The following WWOX variants were observed in gnomAD, a reference collection of about 807,000 sequenced individuals.
WWOX encodes WW domain-containing oxidoreductase.
WWOX carries 69 observed loss-of-function variants against 46.2 expected under a neutral mutation model. The observed-to-expected ratio is 1.49, with a 90% confidence interval of 1.23 to 1.82. WWOX has a LOEUF of 1.82. WWOX is among the 40% of genes most tolerant of loss of function. The pLI is 0.00. For synonymous variants in WWOX, 359 were observed against 202.6 expected, an observed-to-expected ratio of 1.77 and a Z score of -6.56; for missense variants, 919 against 542.6, an observed-to-expected ratio of 1.69 and a Z score of -6.89.
Position 78,827,807 on chromosome 16 carries a change from C to G in WWOX, c.1057-383801C>G, listed in dbSNP as rs113157131. 8.0e-3 allele frequency among the ~76,000 whole-genome samples: 1,221 copies of G among 152,298 alleles called. 22 individuals carry two copies. Among genetic ancestry groups the G allele is most frequent in the East Asian group, 0.055 (282 of 5,170 alleles). On this transcript the variant is annotated intron_variant, in intron 8 of 8. Coordinates refer to ENST00000566780, the MANE Select transcript of WWOX (RefSeq NM_016373.4). ...AGTGAGCCGAGATGGCGCCACTGCA[C>G]TCTAGCCTGGGCGGCAAGCAAGACA...
intron 8 of WWOX, among the ~76,000 whole-genome samples, chr16:78,530,197 C>G (rs934923621): frequency 2.6e-5 from 4 of 152,168 alleles, no homozygotes; most frequent in Non-Finnish European, 5.9e-5. Flanking sequence ...CCCTGAAACC[C>G]TAAAAGGAGT....
intron 8 of WWOX, among the ~76,000 whole-genome samples, chr16:78,998,774 T>G (rs898634874): frequency 7.2e-5 from 11 of 152,240 alleles, no homozygotes; most frequent in African/African-American, 2.7e-4. Flanking sequence ...TTGAATGACT[T>G]CTTGAAAGTG....
At position 79,163,113 on chromosome 16, in the gene WWOX, G is replaced by A. The variant is rs1289796020; in HGVS notation, c.1057-48495G>A. On this transcript the variant is annotated intron_variant, in intron 8 of 8. Transcript: ENST00000566780. ...GTTTGTTGACAAGCGACATTTGTGT[G>A]CAGGAGATGGCTCATTGTGTGTGTT... Among the ~76,000 whole-genome samples the A allele has an allele frequency of 4.6e-5, 7 of 152,294 alleles. No individual in the cohort carries two copies. In the South Asian group the frequency reaches 8.3e-4, roughly 18 times the overall value.
chr16:78,962,494 A>C (rs2046290212), intron 8 of WWOX, among the ~76,000 whole-genome samples: 1 of 152,056 alleles, frequency 6.6e-6, no homozygotes, highest in Non-Finnish European at 1.5e-5. Flanking sequence ...AGATTGCTTC[A>C]CATTGCATTT....
At chr16:78,415,611 G>C (rs1210557478) in intron 6 of WWOX, among the ~76,000 whole-genome samples, 1 of 152,130 alleles carries the variant, frequency 6.6e-6, no homozygotes, top group Non-Finnish European at 1.5e-5. Flanking sequence ...AATTTCCTCA[G>C]TTATTATTTC....
chr16:78,888,401 C>T (rs2044513680), intron 8 of WWOX, among the ~76,000 whole-genome samples: 2 of 152,138 alleles, frequency 1.3e-5, no homozygotes, highest in African/African-American at 2.4e-5. Flanking sequence ...CCTGTTGTTC[C>T]AGGTGTTACT....
chr16:78,673,360 C>T lies in WWOX; in HGVS notation c.1056+240608C>T, dbSNP rs570665525. ...GAGCTGGCTGTGCTAGGAAACTCTT[C>T]GCCTCTCTAACACCACGTTTATTCT... On this transcript the variant is annotated intron_variant, in intron 8 of 8. Transcript: ENST00000566780. Among the ~76,000 whole-genome samples, 58 of 152,310 alleles carry T rather than the reference C, an allele frequency of 3.8e-4. 1 individual carries two copies. In the South Asian group the frequency reaches 0.011, roughly 28 times the overall value.
intron 5 of WWOX, among the ~76,000 whole-genome samples, chr16:78,246,781 C>A (rs190306837): frequency 4.3e-4 from 65 of 152,222 alleles, no homozygotes; most frequent in African/African-American, 1.6e-3. Context: ...TGGCGTGGGG[C>A]GGTGTGTTTG....
At chr16:78,997,195 C>G (rs1035074650) in intron 8 of WWOX, among the ~76,000 whole-genome samples, 2 of 152,100 alleles carry the variant, frequency 1.3e-5, no homozygotes, top group Admixed American at 1.3e-4. Flanking sequence ...GGAGAGGATG[C>G]TTAACTCCAA....
chr16:79,001,067 TAATC>T, intron 8 of WWOX, among the ~76,000 whole-genome samples: 1 of 152,310 alleles, frequency 6.6e-6, no homozygotes, highest in South Asian at 2.1e-4. Context: ...ATTAATTAAT[TAATC>T]TGCAGGAGAA....
At chr16:78,632,370 T>G (rs1226609677) in intron 8 of WWOX, among the ~76,000 whole-genome samples, 2 of 152,064 alleles carry the variant, frequency 1.3e-5, no homozygotes, top group African/African-American at 4.8e-5. Context: ...GAGTCATTAT[T>G]GAGTTATTCC....
chr16:79,155,873 G>C (rs1478646577), intron 8 of WWOX, among the ~76,000 whole-genome samples: 1 of 151,258 alleles, frequency 6.6e-6, no homozygotes, highest in Non-Finnish European at 1.5e-5. Flanking sequence ...AAGGAGAAAG[G>C]GAGGGAGGAG....
intron 5 of WWOX, among the ~76,000 whole-genome samples, chr16:78,211,810 C>A (rs1465137567): frequency 6.6e-6 from 1 of 152,106 alleles, no homozygotes; most frequent in African/African-American, 2.4e-5. Flanking sequence ...AAAGAACATG[C>A]ATGAAGGGAG....
intron 8 of WWOX, among the ~76,000 whole-genome samples, chr16:78,473,528 CA>C (rs2084281270): frequency 6.7e-6 from 1 of 150,256 alleles, no homozygotes; most frequent in Non-Finnish European, 1.5e-5. Flanking sequence ...CCCTCTCAGA[CA>C]AAGTTTGCCA....
At chr16:78,848,397 T>G (rs961587071) in intron 8 of WWOX, among the ~76,000 whole-genome samples, 1 of 152,198 alleles carries the variant, frequency 6.6e-6, no homozygotes, top group East Asian at 1.9e-4. Context: ...GCTTTTGGAC[T>G]AGACCAGCAC....
intron 8 of WWOX, among the ~76,000 whole-genome samples, chr16:78,786,107 C>T (rs1016470774): frequency 6.6e-6 from 1 of 152,138 alleles, no homozygotes; most frequent in African/African-American, 2.4e-5. Flanking sequence ...GCGAGATTTT[C>T]CCGTGTTGGC....
In WWOX at chr16:78,387,227, G is replaced by C. The variant is rs367883808; in HGVS notation, c.605+279G>C. Among the ~76,000 whole-genome samples, 40 of 152,312 alleles carry C rather than the reference G, an allele frequency of 2.6e-4. No individual in the cohort carries two copies. In the South Asian group the frequency reaches 5.2e-3, roughly 20 times the overall value. On this transcript the variant is annotated intron_variant, in intron 6 of 8. Transcript: ENST00000566780. ...AGTGGCTAATAAAAGCTTGGCAATA[G>C]TAAGATGCATCCTGATTATAAGATT...
intron 8 of WWOX, among the ~76,000 whole-genome samples, chr16:78,814,837 T>C (rs1181621032): frequency 6.6e-6 from 1 of 152,200 alleles, no homozygotes; most frequent in African/African-American, 2.4e-5. Flanking sequence ...TCATCTGCCC[T>C]TGCAAAACCA....
intron 8 of WWOX, among the ~76,000 whole-genome samples, chr16:79,076,161 T>G (rs1221085670): frequency 1.3e-5 from 2 of 152,258 alleles, no homozygotes; most frequent in African/African-American, 4.8e-5. Flanking sequence ...AGGAATATTA[T>G]GAGGCACATC....
Sources: allele counts gnomAD v4.1 joint callset (sites outside exome capture counted in the v4.1 genomes callset), GRCh38; gene constraint gnomAD v4.1.1; transcripts MANE v1.5; gene names NCBI Gene and HGNC (gene_info 2026-07-23, HGNC 2026-07-21).